The following ZNF169 variants were observed in gnomAD, a reference collection of about 807,000 sequenced individuals.
The protein encoded by ZNF169 is zinc finger protein 169.
A neutral mutation model predicts 12.0 loss-of-function variants in ZNF169; 11 were observed. The observed-to-expected ratio is 0.92, with a 90% CI of 0.58 to 1.52. The LOEUF is 1.52. Ranked by LOEUF, ZNF169 falls within the 40% of genes most tolerant of loss-of-function variation. The pLI is 0.00. For missense variants in ZNF169, 722 were observed against 744.0 expected (o/e 0.97, Z 0.34); for synonymous variants, 302 against 286.5 (o/e 1.05, Z -0.55).
At chr9:94,270,840 TTA>T (rs1207056535) in intron 1 of ZNF169, among the ~76,000 whole-genome samples, 1 of 8,574 alleles carries the variant, frequency 1.2e-4, no homozygotes, top group Non-Finnish European at 4.3e-4. Context: ...AATATATATA[TTA>T]TATTATATAA....
In ZNF169 at chr9:94,300,730, G is replaced by A. The variant is rs1204680290; in HGVS notation, c.1172G>A (p.Ser391Asn). The A allele has an allele frequency of 1.2e-6, 2 of 1,613,442 alleles. No homozygotes were observed. Among genetic ancestry groups the A allele is most frequent in the Middle Eastern group, 1.6e-4 (1 of 6,084 alleles). ...TTCAGGCAGCAGTCACTCCTCCTTA[G>A]TCACCAGGTCACACACTCAGGAGAG... is the stretch of plus-strand genomic sequence containing the variant. ...RSFRQQSLLL[S>N]HQVTHSGEKP... Residue 391 changes from serine (S) to asparagine (N), a missense_variant, in exon 5 of 5, where the codon AGT becomes AAT. By Grantham distance (46) the Ser-to-Asn change is conservative. Transcript: ENST00000395395.
chr9:94,270,777 T>A (rs1458545964), intron 1 of ZNF169, among the ~76,000 whole-genome samples: 1 of 69,506 alleles, frequency 1.4e-5, no homozygotes, highest in Non-Finnish European at 2.9e-5. Flanking sequence ...ATGTTATATA[T>A]TATATAAATA....
At chr9:94,299,307 T>G in intron 4 of ZNF169, 1 of 401,346 alleles carries the variant, frequency 2.5e-6, no homozygotes, top group Non-Finnish European at 4.4e-6. Flanking sequence ...CAGTATCTCT[T>G]GCTACAGCTT....
Position 94,292,421 on chromosome 9 carries a change from G to A in ZNF169, c.114G>A (p.Leu38=). Residue 38 remains leucine (L), a synonymous_variant, in exon 3 of 5, where the codon CTG becomes CTA. Coordinates refer to ENST00000395395, the MANE Select transcript of ZNF169 (RefSeq NM_194320.4). The part of the protein sequence containing the change: ...WKLLSSAQRT[L]YREVMLENYS... ...TATTGAGTTCTGCTCAGAGGACCCT[G>A]TACAGGGAGGTGATGCTGGAGAACT... 2 of 1,614,162 alleles carry A rather than the reference G, an allele frequency of 1.2e-6. No homozygotes were observed. The highest frequency in any genetic ancestry group is 1.1e-5 in the South Asian group (1 of 91,086).
rs1830278605 is a variant in ZNF169 at position 94,265,602 on chromosome 9, G to A, written c.-56+6257G>A. ...CTCAAAAAAAAAAAAAAATTACAAA[G>A]TTTTCCAGAGCTTATATAACAAGCT... On this transcript the variant is annotated intron_variant, in intron 1 of 4. Coordinates refer to ENST00000395395, the MANE Select transcript of ZNF169 (RefSeq NM_194320.4). 1.3e-5 allele frequency among the ~76,000 whole-genome samples: 2 copies of A among 150,996 alleles called. 1 individual carries two copies. Among genetic ancestry groups the A allele is most frequent in the African/African-American group, 4.9e-5 (2 of 41,168 alleles).
In ZNF169 at chr9:94,269,505, G is replaced by A. The variant is rs147884697; in HGVS notation, c.-55-9253G>A. 3.1e-3 allele frequency among the ~76,000 whole-genome samples: 467 copies of A among 152,260 alleles called. 1 individual carries two copies. The highest frequency in any genetic ancestry group is 0.011 in the African/African-American group (450 of 41,546). On this transcript the variant is annotated intron_variant, in intron 1 of 4. Transcript: ENST00000395395. Reference sequence around the variant, plus strand: ...GGAAAACCTCACCCGGCAGCTGCTGGAATCCTCCTGAAGACTGTCTCATTG... The same window carrying A: ...GGAAAACCTCACCCGGCAGCTGCTGAAATCCTCCTGAAGACTGTCTCATTG...
intron 2 of ZNF169, among the ~76,000 whole-genome samples, chr9:94,284,928 A>C (rs750207803): frequency 2.0e-4 from 31 of 152,182 alleles, no homozygotes; most frequent in Non-Finnish European, 3.4e-4. Flanking sequence ...TAGCCAAAAC[A>C]ATCTTGAAAA....
At chr9:94,270,272 G>T (rs1830365667) in intron 1 of ZNF169, among the ~76,000 whole-genome samples, 1 of 151,988 alleles carries the variant, frequency 6.6e-6, no homozygotes, top group South Asian at 2.1e-4. Context: ...TGCCAACACT[G>T]CTATTTTCTG....
At chr9:94,287,732 G>A in intron 2 of ZNF169, 1 of 1,373,540 alleles carries the variant, frequency 7.3e-7, no homozygotes, top group Non-Finnish European at 1.0e-6. Context: ...AACCAAGCTT[G>A]TGGCCACCAG....
At chr9:94,262,791 A>AC (rs1478081596) in intron 1 of ZNF169, among the ~76,000 whole-genome samples, 1 of 152,108 alleles carries the variant, frequency 6.6e-6, no homozygotes, top group East Asian at 1.9e-4. Context: ...TACACTCATT[A>AC]CCCTATCTCT....
At chr9:94,262,436 T>C (rs567514531) in intron 1 of ZNF169, among the ~76,000 whole-genome samples, 42 of 152,146 alleles carry the variant, frequency 2.8e-4, no homozygotes, top group African/African-American at 9.1e-4. Context: ...AGAAGGGTCA[T>C]GATTTCTTTT....
chr9:94,278,631 C>A, intron 1 of ZNF169, 127 bp from the exon 2 acceptor site: 1 of 538,282 alleles, frequency 1.9e-6, no homozygotes. Flanking sequence ...TGGGCTTCAC[C>A]GATGCCCTCT....
intron 2 of ZNF169, among the ~76,000 whole-genome samples, chr9:94,281,991 G>A (rs1345833852): frequency 6.6e-6 from 1 of 152,152 alleles, no homozygotes; most frequent in Non-Finnish European, 1.5e-5. Context: ...TGGGAAGGAA[G>A]GAAGGAAGGA....
At chr9:94,267,862 CTTT>C (rs34734711) in intron 1 of ZNF169, among the ~76,000 whole-genome samples, 9 of 114,098 alleles carry the variant, frequency 7.9e-5, no homozygotes, top group Non-Finnish European at 5.1e-5. Flanking sequence ...AAACTGCCTT[CTTT>C]TTTTTTTTTT....
At chr9:94,296,600 G>C (rs1830955413) in intron 4 of ZNF169, among the ~76,000 whole-genome samples, 1 of 152,048 alleles carries the variant, frequency 6.6e-6, no homozygotes, top group Admixed American at 6.5e-5. Context: ...AATTTTTCCA[G>C]CACCATTTAT....
Position 94,301,033 on chromosome 9 carries a change from G to A in ZNF169, c.1475G>A (p.Gly492Glu), listed in dbSNP as rs372084088. 6.2e-7 allele frequency: 1 copy of A among 1,614,018 alleles called. No individual in the cohort carries two copies. Among genetic ancestry groups the A allele is most frequent in the Non-Finnish European group, 8.5e-7 (1 of 1,180,028 alleles). The change falls in exon 5 of 5, where the codon GGG becomes GAG. Residue 492 changes from glycine (G) to glutamate (E), a missense_variant. Gly to Glu is a moderately conservative substitution (Grantham distance 98). Transcript: ENST00000395395. ...GEKPYLCPKCGRAFGFKSLLT... is the reference protein window; with the variant it reads ...GEKPYLCPKCERAFGFKSLLT... ...AAGCCTTATCTGTGCCCCAAGTGTG[G>A]GCGTGCATTTGGCTTTAAGTCGCTC...
At chr9:94,281,257 C>T (rs1303280499) in intron 2 of ZNF169, among the ~76,000 whole-genome samples, 1 of 152,144 alleles carries the variant, frequency 6.6e-6, no homozygotes, top group Non-Finnish European at 1.5e-5. Flanking sequence ...TTTAAAATTG[C>T]ATTTCCTGGT....
intron 2 of ZNF169, among the ~76,000 whole-genome samples, chr9:94,283,928 C>A (rs776378116): frequency 1.3e-5 from 2 of 151,234 alleles, no homozygotes; most frequent in Admixed American, 6.6e-5. Flanking sequence ...AAAAATTAGC[C>A]GGGCATGGTG....
At chr9:94,292,607 T>TGTGTGTGTGTGTGTG (rs570000096) in intron 3 of ZNF169, 140 bp downstream of exon 3, 3 of 678,934 alleles carry the variant, frequency 4.4e-6, no homozygotes, top group Non-Finnish European at 4.8e-6. Flanking sequence ...CACAGTGCAG[T>TGTGTGTGTGTGTGTG]TGTGTGTGTG....
Sources: gnomAD v4.1 joint callset for allele counts (sites outside exome capture counted in the v4.1 genomes callset) on GRCh38, gnomAD v4.1.1 for gene constraint, MANE v1.5 for transcripts, NCBI Gene and HGNC (gene_info 2026-07-23, HGNC 2026-07-21) for gene names.